The following SNTG1 variants were observed in gnomAD, a reference collection of about 807,000 sequenced individuals.
The protein encoded by SNTG1 is gamma-1-syntrophin.
Under a neutral mutation model 74.7 loss-of-function variants are expected in SNTG1, and 39 were observed. The ratio of observed to expected loss-of-function variants is 0.52; its 90% CI spans 0.40 to 0.68. SNTG1 has a LOEUF of 0.68. Ranked by LOEUF, SNTG1 falls within the 30% of genes least tolerant of loss-of-function variation. SNTG1 has a pLI of 0.00. For synonymous variants in SNTG1, 254 were observed against 217.1 expected (o/e 1.17, Z -1.49); for missense variants, 685 against 609.5 (o/e 1.12, Z -1.30).
intron 2 of SNTG1, among the ~76,000 whole-genome samples, chr8:50,372,226 G>A (rs959962900): frequency 1.3e-5 from 2 of 151,614 alleles, no homozygotes; most frequent in African/African-American, 4.8e-5. Context: ...CTGTGTGTGT[G>A]TGTGTGTGGT....
At chr8:50,680,850 C>A (rs1460790405) in intron 15 of SNTG1, among the ~76,000 whole-genome samples, 1 of 152,082 alleles carries the variant, frequency 6.6e-6, no homozygotes, top group Non-Finnish European at 1.5e-5. Flanking sequence ...AGTAAATGAC[C>A]CGCAGGTAAG....
At chr8:50,219,243 A>G (rs772588655) in intron 2 of SNTG1, among the ~76,000 whole-genome samples, 17 of 152,208 alleles carry the variant, frequency 1.1e-4, no homozygotes, top group Non-Finnish European at 2.4e-4. Context: ...CCCAGCATTA[A>G]CTTTAAGAAG....
intron 2 of SNTG1, among the ~76,000 whole-genome samples, chr8:50,241,690 G>C (rs2086170121): frequency 6.6e-6 from 1 of 152,148 alleles, no homozygotes; most frequent in South Asian, 2.1e-4. Context: ...TGAAGAGGAA[G>C]TTGCAAAAAC....
intron 2 of SNTG1, among the ~76,000 whole-genome samples, chr8:50,211,958 T>C (rs2084541266): frequency 6.6e-6 from 1 of 152,114 alleles, no homozygotes. Context: ...ATAAATAAAA[T>C]AAAAAGACAG....
chr8:50,411,014 TAAAG>T (rs536907491), intron 4 of SNTG1, among the ~76,000 whole-genome samples: 1 of 152,226 alleles, frequency 6.6e-6, no homozygotes, highest in Non-Finnish European at 1.5e-5. Context: ...CTAACATTGA[TAAAG>T]AAGCTATCAG....
intron 17 of SNTG1, among the ~76,000 whole-genome samples, chr8:50,732,246 A>G (rs1004912281): frequency 1.3e-5 from 2 of 151,972 alleles, no homozygotes; most frequent in African/African-American, 4.8e-5. Context: ...CAAATTTATA[A>G]TTATAATTTG....
chr8:50,132,017 A>G (rs1426845706), intron 1 of SNTG1, among the ~76,000 whole-genome samples: 1 of 151,950 alleles, frequency 6.6e-6, no homozygotes, highest in Non-Finnish European at 1.5e-5. Flanking sequence ...TGGGTTTTCT[A>G]TTTCATTCCA....
intron 1 of SNTG1, among the ~76,000 whole-genome samples, chr8:49,958,548 G>A (rs2129659485): frequency 6.6e-6 from 1 of 151,980 alleles, no homozygotes; most frequent in African/African-American, 2.4e-5. Flanking sequence ...AGCCTCCCAA[G>A]TAGCTGGGAC....
chr8:49,934,287 C>G (rs888596870), intron 1 of SNTG1, among the ~76,000 whole-genome samples: 3 of 43,928 alleles, frequency 6.8e-5, no homozygotes, highest in African/African-American at 2.7e-4. Context: ...ATAGATCTAT[C>G]TATCTATCTA....
chr8:50,403,682 G>T (rs140160395), intron 4 of SNTG1, among the ~76,000 whole-genome samples: 1 of 152,292 alleles, frequency 6.6e-6, no homozygotes, highest in African/African-American at 2.4e-5. Context: ...AGCTCAGAGT[G>T]CTAGGAATAA....
chr8:50,352,647 T>C (rs567743295), intron 2 of SNTG1, among the ~76,000 whole-genome samples: 279 of 152,290 alleles, frequency 1.8e-3, no homozygotes, highest in Non-Finnish European at 3.4e-3. Context: ...CGCCTCAGCT[T>C]TCCAAAGTGC....
chr8:50,375,408 G>A lies in SNTG1; in HGVS notation c.-27-18804G>A, dbSNP rs994686629. On this transcript the variant is annotated intron_variant, in intron 2 of 18. Coordinates refer to ENST00000642720, the MANE Select transcript of SNTG1 (RefSeq NM_018967.5). Reference sequence around the variant, plus strand: ...GTACATGGAACAGATACGACTTACAGAGGAGCCAAGCAGAAGAGACAGTGA... The same window carrying A: ...GTACATGGAACAGATACGACTTACAAAGGAGCCAAGCAGAAGAGACAGTGA... Among the ~76,000 whole-genome samples the A allele has an allele frequency of 5.3e-5, 8 of 151,900 alleles. No individual in the cohort carries two copies. The South Asian group carries it at 1.0e-3, about 20-fold the overall frequency.
intron 2 of SNTG1, among the ~76,000 whole-genome samples, chr8:50,236,107 A>G (rs1563778779): frequency 6.6e-6 from 1 of 152,148 alleles, no homozygotes; most frequent in Non-Finnish European, 1.5e-5. Context: ...TGCCACTTTA[A>G]GATGGTACAA....
chr8:50,762,601 C>A, intron 18 of SNTG1: 1 of 393,720 alleles, frequency 2.5e-6, no homozygotes, highest in Non-Finnish European at 5.1e-6. Flanking sequence ...CCAAATACAC[C>A]ATCAGTGTAT....
intron 2 of SNTG1, 64 bp downstream of exon 2, chr8:50,172,699 G>A (rs1015349452): frequency 6.6e-6 from 1 of 150,490 alleles, no homozygotes; most frequent in African/African-American, 2.4e-5. Context: ...AACTGTATTA[G>A]TCTACACTTC....
At position 50,607,583 on chromosome 8, in the gene SNTG1, C is replaced by A. The variant is rs539676415; in HGVS notation, c.849+16666C>A. 3.3e-5 allele frequency among the ~76,000 whole-genome samples: 5 copies of A among 150,422 alleles called. No individual in the cohort carries two copies. In the South Asian group the frequency reaches 1.1e-3, roughly 32 times the overall value. On this transcript the variant is annotated intron_variant, in intron 13 of 18. Transcript: ENST00000642720. The stretch of plus-strand genomic sequence containing the variant: ...GTAATCTGTGACTTTTTATTCTTTC[C>A]CTCTCTCTTTTTTGTAATTTATCAG...
intron 2 of SNTG1, among the ~76,000 whole-genome samples, chr8:50,207,577 T>A (rs1483577272): frequency 6.6e-6 from 1 of 152,172 alleles, no homozygotes; most frequent in Non-Finnish European, 1.5e-5. Flanking sequence ...TCAATTCTGC[T>A]CTGATCTTAG....
intron 1 of SNTG1, among the ~76,000 whole-genome samples, chr8:49,983,199 ACT>A (rs1398890090): frequency 6.6e-6 from 1 of 152,124 alleles, no homozygotes; most frequent in East Asian, 1.9e-4. Context: ...ATTATTTGAA[ACT>A]CAGCTATAAC....
intron 13 of SNTG1, among the ~76,000 whole-genome samples, chr8:50,646,497 T>C (rs1410311929): frequency 6.6e-6 from 1 of 152,178 alleles, no homozygotes; most frequent in East Asian, 1.9e-4. Context: ...AATTTGTGGG[T>C]TTGTTTTAAT....
Sources: gnomAD v4.1 joint callset for allele counts (sites outside exome capture counted in the v4.1 genomes callset) on GRCh38, gnomAD v4.1.1 for gene constraint, MANE v1.5 for transcripts, NCBI Gene and HGNC (gene_info 2026-07-23, HGNC 2026-07-21) for gene names.